STPG2: variants seen among roughly 807,000 people sequenced by gnomAD.
The protein encoded by STPG2 is sperm-tail PG-rich repeat-containing protein 2.
A neutral mutation model predicts 54.2 loss-of-function variants in STPG2; 56 were observed. That is an observed-to-expected ratio of 1.03 (90% confidence interval 0.83 to 1.29). The LOEUF is 1.29. STPG2 is among the 50% of genes most tolerant of loss of function. STPG2 has a pLI of 0.00. For missense variants in STPG2, 596 were observed against 544.9 expected, an observed-to-expected ratio of 1.09 and a Z score of -0.93; for synonymous variants, 200 against 181.8, an observed-to-expected ratio of 1.10 and a Z score of -0.81.
At chr4:97,946,252 T>C (rs113627454) in intron 7 of STPG2, among the ~76,000 whole-genome samples, 3 of 152,298 alleles carry the variant, frequency 2.0e-5, no homozygotes, top group African/African-American at 7.2e-5. Context: ...CTGTTTTATT[T>C]TCTTGCTGGT....
chr4:97,465,733 G>A (rs1422825288), intron 4 of STPG2, among the ~76,000 whole-genome samples: 1 of 151,864 alleles, frequency 6.6e-6, no homozygotes, highest in Non-Finnish European at 1.5e-5. Context: ...CTAATACAAT[G>A]TGAATGTTAT....
intron 5 of STPG2, among the ~76,000 whole-genome samples, chr4:98,070,989 T>G (rs146049138): frequency 2.6e-4 from 39 of 152,256 alleles, no homozygotes; most frequent in African/African-American, 8.9e-4. Context: ...TTTACATGTT[T>G]AGGGGCTCTC....
chr4:97,949,325 G>C (rs1733371950), intron 7 of STPG2, among the ~76,000 whole-genome samples: 1 of 151,998 alleles, frequency 6.6e-6, no homozygotes, highest in African/African-American at 2.4e-5. Context: ...TGTTAGGTGA[G>C]TCTCTTGAAG....
At chr4:97,765,027 ATGTT>A (rs1725997442) in intron 9 of STPG2, among the ~76,000 whole-genome samples, 2 of 152,068 alleles carry the variant, frequency 1.3e-5, no homozygotes, top group South Asian at 4.1e-4. Context: ...AGTGGGTACT[ATGTT>A]TGTGTTCAAT....
At position 98,123,082 on chromosome 4, in the gene STPG2, T is replaced by C. The variant is rs2110157355; in HGVS notation, c.387+5346A>G. 2.0e-5 allele frequency among the ~76,000 whole-genome samples: 3 copies of C among 147,078 alleles called. No homozygotes were observed. In the Middle Eastern group the frequency reaches 0.01, roughly 500 times the overall value. On this transcript the variant is annotated intron_variant, in intron 3 of 10. Coordinates refer to ENST00000295268, the MANE Select transcript of STPG2 (RefSeq NM_174952.3). ...TCTGATTGTGTCTATTTGATTCTTC[T>C]CTCTTTTCTTCTTTGTTATTCTAGT...
chr4:98,089,119 A>G (rs1229274541), intron 5 of STPG2, among the ~76,000 whole-genome samples: 1 of 151,916 alleles, frequency 6.6e-6, no homozygotes, highest in East Asian at 1.9e-4. Flanking sequence ...TAAGTTCTTT[A>G]GTGGTGATTT....
chr4:97,778,648 T>C (rs546252537), intron 9 of STPG2, among the ~76,000 whole-genome samples: 2 of 152,318 alleles, frequency 1.3e-5, no homozygotes, highest in African/African-American at 4.8e-5. Flanking sequence ...AGTGGGTCCC[T>C]GACCCCCGAG....
At chr4:97,448,133 A>C (rs1223158816) in intron 4 of STPG2, among the ~76,000 whole-genome samples, 2 of 152,094 alleles carry the variant, frequency 1.3e-5, no homozygotes, top group Admixed American at 6.5e-5. Context: ...AATTTCTCCC[A>C]TTTGAAATGG....
intron 7 of STPG2, among the ~76,000 whole-genome samples, chr4:97,951,722 C>G (rs1468514462): frequency 6.6e-6 from 1 of 152,020 alleles, no homozygotes; most frequent in African/African-American, 2.4e-5. Context: ...TCTCTTGAAG[C>G]CTACTTCATT....
chr4:97,593,862 C>T (rs532319676), intron 10 of STPG2, among the ~76,000 whole-genome samples: 1 of 151,268 alleles, frequency 6.6e-6, no homozygotes, highest in Non-Finnish European at 1.5e-5. Flanking sequence ...TAACCGCCCC[C>T]CAAGATTTGG....
At chr4:97,501,795 G>A (rs1320884714) in intron 4 of STPG2, among the ~76,000 whole-genome samples, 2 of 151,810 alleles carry the variant, frequency 1.3e-5, no homozygotes, top group Non-Finnish European at 2.9e-5. Flanking sequence ...GCATACTCTA[G>A]AGATCATTTT....
rs1578462818 is a variant in STPG2 at position 97,663,124 on chromosome 4, T to C, written c.1320+49575A>G. 1.3e-5 allele frequency among the ~76,000 whole-genome samples: 2 copies of C among 152,202 alleles called. 1 individual carries two copies. Among genetic ancestry groups the C allele is most frequent in the South Asian group, 4.1e-4 (2 of 4,830 alleles). On this transcript the variant is annotated intron_variant, in intron 10 of 10. Coordinates refer to ENST00000295268, the MANE Select transcript of STPG2 (RefSeq NM_174952.3). ...CTGTAAATCATACCAAATGGGATCATAATTGTATCTATATCATAGTATTAT... is the reference window on the plus strand; with the variant it reads ...CTGTAAATCATACCAAATGGGATCACAATTGTATCTATATCATAGTATTAT...
At chr4:97,950,707 C>T (rs753421468) in intron 7 of STPG2, among the ~76,000 whole-genome samples, 7 of 152,188 alleles carry the variant, frequency 4.6e-5, no homozygotes, top group South Asian at 2.1e-4. Context: ...CTGACCTCCA[C>T]GCTGTCCATG....
chr4:97,533,031 C>T (rs553629387), intron 4 of STPG2, among the ~76,000 whole-genome samples: 13 of 152,140 alleles, frequency 8.5e-5, no homozygotes, highest in East Asian at 1.9e-4. Flanking sequence ...TACAGGCGCC[C>T]GCCACCACAC....
At chr4:97,645,692 A>C (rs1721894266) in intron 10 of STPG2, among the ~76,000 whole-genome samples, 1 of 152,130 alleles carries the variant, frequency 6.6e-6, no homozygotes, top group Non-Finnish European at 1.5e-5. Flanking sequence ...ACCAAACTGC[A>C]ATGTGGAAGA....
chr4:97,584,222 A>G (rs1343124402), intron 10 of STPG2, among the ~76,000 whole-genome samples: 1 of 152,046 alleles, frequency 6.6e-6, no homozygotes, highest in Admixed American at 6.6e-5. Context: ...ATTAACTCCA[A>G]AAGAAACCCT....
intron 2 of STPG2, among the ~76,000 whole-genome samples, chr4:98,129,168 A>G (rs13137859): frequency 0.4 from 60,178 of 152,166 alleles, 12,148 homozygotes; most frequent in Middle Eastern, 0.46. Context: ...TAAGAAGCAA[A>G]GATTCTTTCT....
intron 10 of STPG2, among the ~76,000 whole-genome samples, chr4:97,674,208 G>T (rs1000727901): frequency 6.6e-6 from 1 of 152,096 alleles, no homozygotes; most frequent in Non-Finnish European, 1.5e-5. Flanking sequence ...TCTTTTGAGG[G>T]CAAGAGTGAG....
chr4:97,733,909 G>A (rs964671270), intron 9 of STPG2, among the ~76,000 whole-genome samples: 6 of 152,190 alleles, frequency 3.9e-5, no homozygotes, highest in African/African-American at 1.4e-4. Context: ...ATGTCTAGTT[G>A]ATCATCTTCT....
Sources: gnomAD v4.1 joint callset for allele counts (sites outside exome capture counted in the v4.1 genomes callset) on GRCh38, gnomAD v4.1.1 for gene constraint, MANE v1.5 for transcripts, NCBI Gene and HGNC (gene_info 2026-07-23, HGNC 2026-07-21) for gene names.